Variants in FGD4 observed in about 807,000 individuals in gnomAD.
FGD4 encodes the protein FYVE, RhoGEF and PH domain-containing protein 4.
Under a neutral mutation model 102.0 loss-of-function variants are expected in FGD4, and 42 were observed. The ratio of observed to expected loss-of-function variants is 0.41; its 90% CI spans 0.32 to 0.53. The LOEUF (loss-of-function observed/expected upper bound fraction) is 0.53. Ranked by LOEUF, FGD4 falls within the 20% of genes least tolerant of loss-of-function variation. The pLI is 0.21. For missense variants in FGD4, 902 were observed against 1,078.2 expected, an observed-to-expected ratio of 0.84 and a Z score of 2.29; for synonymous variants, 380 against 375.7, an observed-to-expected ratio of 1.01 and a Z score of -0.13.
intron 4 of FGD4, among the ~76,000 whole-genome samples, chr12:32,590,268 C>T (rs1198516779): frequency 6.7e-6 from 1 of 149,778 alleles, no homozygotes; most frequent in Non-Finnish European, 1.5e-5. Flanking sequence ...CGAGATCGCG[C>T]CATCGCACTC....
At chr12:32,476,455 G>C (rs113808424) in intron 1 of FGD4, among the ~76,000 whole-genome samples, 2,370 of 152,190 alleles carry the variant, frequency 0.016, 63 homozygotes, top group African/African-American at 0.053. Context: ...TATGACTGTC[G>C]AGTTGGTCCT....
At chr12:32,468,002 C>T (rs1045998115) in intron 1 of FGD4, among the ~76,000 whole-genome samples, 1 of 151,924 alleles carries the variant, frequency 6.6e-6, no homozygotes, top group African/African-American at 2.4e-5. Context: ...GGCAACAGAG[C>T]GAGACTCCAT....
intron 11 of FGD4, among the ~76,000 whole-genome samples, 195 bp from the exon 12 acceptor site, chr12:32,624,227 G>A (rs1950013845): frequency 1.3e-5 from 2 of 152,154 alleles, no homozygotes; most frequent in Admixed American, 1.3e-4. Flanking sequence ...GTGTACCAAA[G>A]TCAGTGGATA....
At chr12:32,516,002 TAATA>T (rs965190787) in intron 1 of FGD4, among the ~76,000 whole-genome samples, 68 of 152,324 alleles carry the variant, frequency 4.5e-4, no homozygotes, top group African/African-American at 1.6e-3. Context: ...AACTTGATTT[TAATA>T]AATAACAAAC....
intron 1 of FGD4, among the ~76,000 whole-genome samples, chr12:32,540,381 T>C (rs541614939): frequency 1.3e-5 from 2 of 152,274 alleles, no homozygotes; most frequent in South Asian, 4.2e-4. Flanking sequence ...ACAAAGACTT[T>C]CTGTTTTTTA....
At chr12:32,495,814 T>C (rs1038594886) in intron 1 of FGD4, among the ~76,000 whole-genome samples, 3 of 152,178 alleles carry the variant, frequency 2.0e-5, no homozygotes, top group African/African-American at 7.2e-5. Flanking sequence ...TCTATTTGTG[T>C]GCGTGCATGT....
Position 32,544,812 on chromosome 12 carries a change from C to G in FGD4, c.167-19325C>G, listed in dbSNP as rs1293883062. Among the ~76,000 whole-genome samples the G allele has an allele frequency of 2.0e-5, 3 of 152,108 alleles. No individual in the cohort carries two copies. The highest frequency in any genetic ancestry group is 7.2e-5 in the African/African-American group (3 of 41,416). On this transcript the variant is annotated intron_variant, in intron 1 of 16. Coordinates refer to ENST00000534526, the MANE Select transcript of FGD4 (RefSeq NM_001370298.3). The surrounding 1 kb of genome is among the most constrained non-coding windows in gnomAD (Gnocchi z 4.1). Reference sequence around the variant, plus strand: ...CTTACCAGCTGAAAATTATGGAATTCATTTCATATAGCTTCCACTATAAAT... The same window carrying G: ...CTTACCAGCTGAAAATTATGGAATTGATTTCATATAGCTTCCACTATAAAT...
At chr12:32,570,575 G>A (rs972992185) in intron 2 of FGD4, among the ~76,000 whole-genome samples, 1 of 151,988 alleles carries the variant, frequency 6.6e-6, no homozygotes, top group Non-Finnish European at 1.5e-5. Flanking sequence ...CCAAGTAGCT[G>A]GGATTACAGG....
chr12:32,618,590 G>A (rs1439454148), intron 10 of FGD4, among the ~76,000 whole-genome samples: 1 of 152,128 alleles, frequency 6.6e-6, no homozygotes, highest in Admixed American at 6.5e-5. Context: ...CCAGCACTTC[G>A]GGAGGCTGAG....
intron 1 of FGD4, among the ~76,000 whole-genome samples, chr12:32,472,391 A>G (rs1380077486): frequency 6.8e-6 from 1 of 146,478 alleles, no homozygotes; most frequent in Non-Finnish European, 1.5e-5. Context: ...CGGAGCAGCC[A>G]GCCAGCCCTG....
intron 7 of FGD4, among the ~76,000 whole-genome samples, chr12:32,606,464 T>TTA (rs920849224): frequency 3.7e-5 from 2 of 54,368 alleles, no homozygotes; most frequent in Non-Finnish European, 6.5e-5. Context: ...CCTCTACTTA[T>TTA]TTTTTTTTTT....
intron 1 of FGD4, among the ~76,000 whole-genome samples, chr12:32,538,295 A>G (rs1481143578): frequency 6.6e-6 from 1 of 152,160 alleles, no homozygotes; most frequent in Non-Finnish European, 1.5e-5. Flanking sequence ...TAACTAATAG[A>G]TACTGGGTGC....
chr12:32,511,009 C>T (rs2136673631), intron 1 of FGD4, among the ~76,000 whole-genome samples: 1 of 152,128 alleles, frequency 6.6e-6, no homozygotes, highest in African/African-American at 2.4e-5. Flanking sequence ...AGGATTGAGC[C>T]AGATCTTGAA....
intron 2 of FGD4, among the ~76,000 whole-genome samples, chr12:32,565,550 ATTGTAG>A (rs1284443719): frequency 2.0e-5 from 3 of 152,216 alleles, no homozygotes; most frequent in Admixed American, 1.3e-4. Context: ...AATGAATACA[ATTGTAG>A]TTGTAATTTT....
Position 32,625,730 on chromosome 12 carries a change from C to G in FGD4, c.2123C>G (p.Pro708Arg). The G allele has an allele frequency of 6.2e-7, 1 of 1,613,744 alleles. No individual in the cohort carries two copies. Among genetic ancestry groups the G allele is most frequent in the African/African-American group, 1.3e-5 (1 of 74,876 alleles). ...EVTMCMKCKEPFNALTRRRHH... is the reference protein window; with the variant it reads ...EVTMCMKCKERFNALTRRRHH... ...ACAATGTGTATGAAATGTAAAGAAC[C>G]TTTCAATGCACTGACACGAAGGAGG... Residue 708 changes from proline to arginine, a missense_variant, in exon 14 of 17, where the codon CCT becomes CGT. Physicochemically the swap from Pro to Arg is moderately radical, Grantham distance 103. This residue lies in a region of FGD4 where 459 missense variants were observed against 619.0 expected (regional missense o/e 0.74). Coordinates refer to ENST00000534526, the MANE Select transcript of FGD4 (RefSeq NM_001370298.3).
intron 1 of FGD4, among the ~76,000 whole-genome samples, chr12:32,495,021 C>A (rs531516254): frequency 1.3e-5 from 2 of 152,240 alleles, no homozygotes; most frequent in African/African-American, 4.8e-5. Flanking sequence ...GTCAGGAAGT[C>A]AATTGTTTGT....
chr12:32,602,321 A>T lies in FGD4; in HGVS notation c.1404+4A>T, dbSNP rs767855809. On this transcript the variant is annotated splice_donor_region_variant and intron_variant, in intron 7 of 16. Coordinates refer to ENST00000534526, the MANE Select transcript of FGD4 (RefSeq NM_001370298.3). ...ATCAGTGGTTGAAGAAATTCAGGTA[A>T]TAGGACTGTTTTGTTCAAAGCTATG... is the stretch of plus-strand genomic sequence containing the variant. 27 of 1,613,948 alleles carry T rather than the reference A, an allele frequency of 1.7e-5. No homozygotes were observed. Among genetic ancestry groups the T allele is most frequent in the Non-Finnish European group, 2.1e-5 (25 of 1,179,976 alleles).
chr12:32,638,250 C>T (rs142645524), intron 15 of FGD4, among the ~76,000 whole-genome samples: 151 of 152,238 alleles, frequency 9.9e-4, no homozygotes, highest in African/African-American at 3.4e-3. Flanking sequence ...GGCAGAGGAT[C>T]GAAGTTCAGA....
At chr12:32,553,327 G>A (rs1258696769) in intron 1 of FGD4, among the ~76,000 whole-genome samples, 1 of 152,114 alleles carries the variant, frequency 6.6e-6, no homozygotes, top group Non-Finnish European at 1.5e-5. Flanking sequence ...AACTTTTAAG[G>A]TGCCACAGAC....
Sources: gnomAD v4.1 joint callset for allele counts (sites outside exome capture counted in the v4.1 genomes callset) on GRCh38, gnomAD v4.1.1 for gene constraint, gnomAD v4.1.1 regional missense constraint, Gnocchi (gnomAD v3.1) non-coding constraint, MANE v1.5 for transcripts, NCBI Gene and HGNC (gene_info 2026-07-23, HGNC 2026-07-21) for gene names.